Variants in PCDHGB4 observed in about 807,000 individuals in gnomAD.
The protein encoded by PCDHGB4 is protocadherin gamma-B4.
A neutral mutation model predicts 60.5 loss-of-function variants in PCDHGB4; 38 were observed. The observed-to-expected ratio is 0.63, with a 90% CI of 0.48 to 0.82. PCDHGB4 has a LOEUF of 0.82. Ranked by LOEUF, PCDHGB4 falls within the 40% of genes least tolerant of loss-of-function variation. The pLI is 0.00. For missense variants in PCDHGB4, 1,109 were observed against 1,209.6 expected (o/e 0.92, Z 1.23); for synonymous variants, 456 against 509.7 (o/e 0.89, Z 1.42).
rs554845172 is a variant in PCDHGB4 at position 141,485,584 on chromosome 5, G to A, written c.2398-9223G>A. Reference sequence around the variant, plus strand: ...ACGCCCCCCGTTTTCCGCGGCAGCAGCTGGACTTGGAAATTGGGGAGGCAG... The same window carrying A: ...ACGCCCCCCGTTTTCCGCGGCAGCAACTGGACTTGGAAATTGGGGAGGCAG... On this transcript the variant is annotated intron_variant, in intron 1 of 3. Transcript: ENST00000519479. The surrounding 1 kb of genome is among the most constrained non-coding windows in gnomAD (Gnocchi z 5.7). The A allele has an allele frequency of 2.9e-5, 46 of 1,612,498 alleles. 1 individual carries two copies. The South Asian group carries it at 4.5e-4, about 16-fold the overall frequency.
chr5:141,480,265 A>G (rs1041908141), intron 1 of PCDHGB4, among the ~76,000 whole-genome samples: 2 of 151,784 alleles, frequency 1.3e-5, no homozygotes, highest in African/African-American at 2.4e-5. Context: ...ATGTGTTTTC[A>G]TTAGCTGGGT....
In PCDHGB4 at chr5:141,432,927, G is replaced by A; in HGVS notation, c.2397+42646G>A. On this transcript the variant is annotated intron_variant, in intron 1 of 3. Coordinates refer to ENST00000519479, the MANE Select transcript of PCDHGB4 (RefSeq NM_003736.4). This position sits in a 1 kb window ranked among gnomAD's most constrained non-coding sequence, Gnocchi z 6.0. ...AGGCTGCGGCGCTGGCACAAGTCACGCCTGCTGCAGGCTTCAGGAGGCGGC... is the reference window on the plus strand; with the variant it reads ...AGGCTGCGGCGCTGGCACAAGTCACACCTGCTGCAGGCTTCAGGAGGCGGC... 6.2e-7 allele frequency: 1 copy of A among 1,614,162 alleles called. No individual in the cohort carries two copies. Among genetic ancestry groups the A allele is most frequent in the Non-Finnish European group, 8.5e-7 (1 of 1,180,032 alleles).
In PCDHGB4 at chr5:141,493,550, T is replaced by C. The variant is rs978188511; in HGVS notation, c.2398-1257T>C. On this transcript the variant is annotated intron_variant, in intron 1 of 3. Coordinates refer to ENST00000519479, the MANE Select transcript of PCDHGB4 (RefSeq NM_003736.4). This position sits in a 1 kb window ranked among gnomAD's most constrained non-coding sequence, Gnocchi z 4.3. Reference sequence around the variant, plus strand: ...ACTTGGCCAGTTATCCTTTTGGAGATTGAGTTCCCCCAGCTCCGTTTCCTC... The same window carrying C: ...ACTTGGCCAGTTATCCTTTTGGAGACTGAGTTCCCCCAGCTCCGTTTCCTC... Among the ~76,000 whole-genome samples the C allele has an allele frequency of 1.3e-5, 2 of 152,172 alleles. No homozygotes were observed. The highest frequency in any genetic ancestry group is 2.4e-5 in the African/African-American group (1 of 41,430).
chr5:141,427,793 G>C, intron 1 of PCDHGB4: 1 of 1,495,528 alleles, frequency 6.7e-7, no homozygotes, highest in Non-Finnish European at 9.2e-7. Flanking sequence ...CGTCCTACGT[G>C]TCCGTGAGCG....
At chr5:141,474,807 A>C (rs945920397) in intron 1 of PCDHGB4, among the ~76,000 whole-genome samples, 8 of 152,364 alleles carry the variant, frequency 5.3e-5, no homozygotes, top group Admixed American at 1.3e-4. Context: ...AGTGGTTTGC[A>C]TCATTAATTG....
intron 1 of PCDHGB4, chr5:141,427,514 G>A (rs1193674497): frequency 1.7e-6 from 1 of 595,712 alleles, no homozygotes; most frequent in Non-Finnish European, 3.2e-6. Context: ...CCCTGGATTG[G>A]GAGCGGATCC....
At chr5:141,399,825 C>G (rs1439243162) in intron 1 of PCDHGB4, 14 of 1,613,060 alleles carry the variant, frequency 8.7e-6, no homozygotes, top group Non-Finnish European at 1.2e-5. Context: ...TGGGTCCCGA[C>G]GGCTCTGCGC....
chr5:141,427,192 A>G (rs1191677237), intron 1 of PCDHGB4: 2 of 456,566 alleles, frequency 4.4e-6, no homozygotes, highest in African/African-American at 4.0e-5. Flanking sequence ...AAATCCAAAG[A>G]CTTAATAGAC....
chr5:141,390,573 C>T, intron 1 of PCDHGB4: 2 of 381,276 alleles, frequency 5.2e-6, no homozygotes, highest in Non-Finnish European at 9.4e-6. Context: ...TGGCTCTCTC[C>T]TAAAAAGTGA....
In PCDHGB4 at chr5:141,494,860, C is replaced by T. The variant is rs372794752; in HGVS notation, c.2451C>T (p.Thr817=). Residue 817 remains threonine, a synonymous_variant, in exon 2 of 4, where the codon ACC becomes ACT. Coordinates refer to ENST00000519479, the MANE Select transcript of PCDHGB4 (RefSeq NM_003736.4). ...TCTCTCAGGCCCAGAGACCCGGCAC[C>T]AGCGGGTAGGTGACTGATTCTCCAG... ...WRFSQAQRPG[T]SGSQNGDDTG... 5.6e-6 allele frequency: 9 copies of T among 1,614,032 alleles called. No homozygotes were observed. Among genetic ancestry groups the T allele is most frequent in the Non-Finnish European group, 7.6e-6 (9 of 1,180,024 alleles).
chr5:141,508,270 G>C lies in PCDHGB4; in HGVS notation c.2546-2677G>C, dbSNP rs547745015. On this transcript the variant is annotated intron_variant, in intron 3 of 3. Coordinates refer to ENST00000519479, the MANE Select transcript of PCDHGB4 (RefSeq NM_003736.4). Reference sequence around the variant, plus strand: ...TCTCCTGGGACCAAGAGAAAATCCCGGTCCTTGACCAAGGTGGGCCTTGGG... The same window carrying C: ...TCTCCTGGGACCAAGAGAAAATCCCCGTCCTTGACCAAGGTGGGCCTTGGG... 4 of 152,228 alleles carry C rather than the reference G, an allele frequency of 2.6e-5. No individual in the cohort carries two copies. The East Asian group carries it at 7.7e-4, about 29-fold the overall frequency. 9.4% of individuals were successfully genotyped at this position (152,228 alleles called of 1,614,324 possible). A position where few individuals can be genotyped will look rare whatever the true frequency, so the allele number is the denominator to read the frequency against.
At chr5:141,444,188 T>TTTTTTTTTTG (rs2098424052) in intron 1 of PCDHGB4, among the ~76,000 whole-genome samples, 1 of 129,374 alleles carries the variant, frequency 7.7e-6, no homozygotes, top group African/African-American at 3.1e-5. Flanking sequence ...TTTTTTTTTT[T>TTTTTTTTTTG]GAGATGGAGT....
chr5:141,503,506 G>A (rs2099820313), intron 2 of PCDHGB4, among the ~76,000 whole-genome samples: 1 of 151,616 alleles, frequency 6.6e-6, no homozygotes, highest in African/African-American at 2.4e-5. Context: ...GGCTGAGGCA[G>A]GAGAATCACT....
At chr5:141,459,885 C>A (rs1333668105) in intron 1 of PCDHGB4, among the ~76,000 whole-genome samples, 1 of 152,106 alleles carries the variant, frequency 6.6e-6, no homozygotes, top group East Asian at 1.9e-4. Flanking sequence ...CTGAGCTGAA[C>A]GCCTTCTTAA....
At chr5:141,400,756 C>G (rs1220648843) in intron 1 of PCDHGB4, 1 of 584,890 alleles carries the variant, frequency 1.7e-6, no homozygotes, top group African/African-American at 1.9e-5. Context: ...AGCTTCCTCT[C>G]TAGCAAAAAC....
chr5:141,388,384 T>G lies in PCDHGB4; in HGVS notation c.500T>G (p.Leu167Arg). ...AHDADIGSNT[L>R]QNYQLSPSDH... ...GATGCGGATATTGGTAGCAACACAC[T>G]GCAGAATTACCAACTCAGTCCCAGT... is the stretch of plus-strand genomic sequence containing the variant. Residue 167 changes from leucine (L) to arginine (R), a missense_variant, in exon 1 of 4, where the codon CTG becomes CGG. Around this residue, in one of 2 missense-constraint regions of PCDHGB4, gnomAD observed 1,068 missense variants for 1,089.9 expected, o/e 0.98. Coordinates refer to ENST00000519479, the MANE Select transcript of PCDHGB4 (RefSeq NM_003736.4). 3 of 1,614,014 alleles carry G rather than the reference T, an allele frequency of 1.9e-6. No homozygotes were observed. Among genetic ancestry groups the G allele is most frequent in the Non-Finnish European group, 2.5e-6 (3 of 1,179,882 alleles).
chr5:141,431,442 TCC>T lies in PCDHGB4; in HGVS notation c.2397+41162_2397+41163del. ...CCGGTGCGCACAGGCACCGCGCGCATCCGCGTGATGGTTCTGGATGCGAACGA... is the reference window on the plus strand; with the variant it reads ...CCGGTGCGCACAGGCACCGCGCGCATGCGTGATGGTTCTGGATGCGAACGA... On this transcript the variant is annotated intron_variant, in intron 1 of 3. Transcript: ENST00000519479. This position sits in a 1 kb window ranked among gnomAD's most constrained non-coding sequence, Gnocchi z 4.8. 1 of 1,613,746 alleles carries T rather than the reference TCC, an allele frequency of 6.2e-7. No homozygotes were observed. The highest frequency in any genetic ancestry group is 1.3e-5 in the African/African-American group (1 of 75,074).
rs539406412 is a variant in PCDHGB4, at chr5:141,427,895, G to A, written c.2397+37614G>A. ...CGATGCAGGCCCACGACCAGGGCTCGCCCGCGCTCAGCGCCAACATGAGCC... is the reference window on the plus strand; with the variant it reads ...CGATGCAGGCCCACGACCAGGGCTCACCCGCGCTCAGCGCCAACATGAGCC... On this transcript the variant is annotated intron_variant, in intron 1 of 3. Transcript: ENST00000519479. 373 of 1,569,222 alleles carry A rather than the reference G, an allele frequency of 2.4e-4. 2 individuals are homozygous for A. In the South Asian group the frequency reaches 3.9e-3, roughly 17 times the overall value.
At chr5:141,458,907 A>AT (rs759653270) in intron 1 of PCDHGB4, among the ~76,000 whole-genome samples, 1 of 151,752 alleles carries the variant, frequency 6.6e-6, no homozygotes, top group Non-Finnish European at 1.5e-5. Context: ...AATTTTTTCT[A>AT]TTTTTTGTGG....
Sources: gnomAD v4.1 joint callset for allele counts (sites outside exome capture counted in the v4.1 genomes callset) on GRCh38, gnomAD v4.1.1 for gene constraint, gnomAD v4.1.1 regional missense constraint, Gnocchi (gnomAD v3.1) non-coding constraint, MANE v1.5 for transcripts, NCBI Gene and HGNC (gene_info 2026-07-23, HGNC 2026-07-21) for gene names.